Variants in DENND1A observed in about 807,000 individuals in gnomAD.
DENND1A encodes the protein DENN domain-containing protein 1A.
In DENND1A, 51 loss-of-function variants were observed where a neutral mutation model predicts 113.7. That is an observed-to-expected ratio of 0.45 (90% CI 0.36 to 0.57). The LOEUF (loss-of-function observed/expected upper bound fraction) is 0.57. Ranked by LOEUF, DENND1A falls within the 20% of genes least tolerant of loss-of-function variation. DENND1A has a pLI of 0.00. For synonymous variants in DENND1A, 565 were observed against 570.8 expected, an observed-to-expected ratio of 0.99 and a Z score of 0.14; for missense variants, 1,258 against 1,395.9, an observed-to-expected ratio of 0.90 and a Z score of 1.57.
At chr9:123,664,249 T>C (rs2063388631) in intron 8 of DENND1A, among the ~76,000 whole-genome samples, 1 of 152,234 alleles carries the variant, frequency 6.6e-6, no homozygotes, top group Non-Finnish European at 1.5e-5. Flanking sequence ...AGGATGGAGA[T>C]TGAAATAGAG....
intron 21 of DENND1A, among the ~76,000 whole-genome samples, chr9:123,396,622 T>C (rs918664701): frequency 1.3e-5 from 2 of 152,226 alleles, no homozygotes. Flanking sequence ...GGCAGCTTCT[T>C]CTGATCTTAT....
chr9:123,744,215 C>G (rs897127685), intron 5 of DENND1A, among the ~76,000 whole-genome samples: 2 of 152,134 alleles, frequency 1.3e-5, no homozygotes, highest in Non-Finnish European at 2.9e-5. Context: ...GATCCGATCC[C>G]CCACGTCATT....
At chr9:123,543,939 G>A (rs1329545557) in intron 13 of DENND1A, among the ~76,000 whole-genome samples, 1 of 152,166 alleles carries the variant, frequency 6.6e-6, no homozygotes, top group Non-Finnish European at 1.5e-5. Context: ...GGTCAGGTCT[G>A]CGGTGGGGAC....
intron 19 of DENND1A, among the ~76,000 whole-genome samples, chr9:123,421,608 G>A (rs2045311932): frequency 6.6e-6 from 1 of 152,198 alleles, no homozygotes; most frequent in African/African-American, 2.4e-5. Context: ...AATTTGCTCA[G>A]TACATTTAAG....
intron 12 of DENND1A, among the ~76,000 whole-genome samples, chr9:123,579,130 A>C (rs950864983): frequency 6.6e-6 from 1 of 152,214 alleles, no homozygotes; most frequent in Non-Finnish European, 1.5e-5. Flanking sequence ...GCGGATCATA[A>C]TTCACATCCA....
chr9:123,838,950 C>T (rs945312709), intron 2 of DENND1A, among the ~76,000 whole-genome samples: 3 of 152,168 alleles, frequency 2.0e-5, no homozygotes, highest in African/African-American at 7.2e-5. Context: ...ATTATCATCT[C>T]CACAAAAAGC....
intron 4 of DENND1A, among the ~76,000 whole-genome samples, chr9:123,766,542 G>A (rs1025813662): frequency 2.6e-5 from 4 of 152,118 alleles, no homozygotes; most frequent in South Asian, 2.1e-4. Flanking sequence ...ATCAAACCTC[G>A]TTTCCTTCCT....
intron 3 of DENND1A, among the ~76,000 whole-genome samples, chr9:123,771,069 T>G (rs939215660): frequency 6.6e-5 from 10 of 152,140 alleles, no homozygotes; most frequent in Admixed American, 2.0e-4. Context: ...AATTAATGAA[T>G]AGGAAACTAA....
chr9:123,421,605 T>C (rs2045311697), intron 19 of DENND1A, among the ~76,000 whole-genome samples: 1 of 152,114 alleles, frequency 6.6e-6, no homozygotes, highest in Non-Finnish European at 1.5e-5. Context: ...GAGAATTTGC[T>C]CAGTACATTT....
At chr9:123,888,568 T>C (rs1436192219) in intron 1 of DENND1A, among the ~76,000 whole-genome samples, 1 of 152,190 alleles carries the variant, frequency 6.6e-6, no homozygotes, top group African/African-American at 2.4e-5. Flanking sequence ...CCATCACTGC[T>C]GCGATATTCC....
At chr9:123,441,470 T>A (rs559693250) in intron 18 of DENND1A, among the ~76,000 whole-genome samples, 1 of 152,336 alleles carries the variant, frequency 6.6e-6, no homozygotes, top group Admixed American at 6.5e-5. Context: ...AGAAATCTTT[T>A]TAAATCCAGA....
At chr9:123,538,809 CATATATAT>C (rs35223887) in intron 13 of DENND1A, among the ~76,000 whole-genome samples, 354 of 22,338 alleles carry the variant, frequency 0.016, 2 homozygotes, top group South Asian at 0.039. Flanking sequence ...ACAACTCATA[CATATATAT>C]ATATATATAT....
intron 5 of DENND1A, among the ~76,000 whole-genome samples, chr9:123,713,834 CA>C (rs1417174624): frequency 6.6e-6 from 1 of 151,982 alleles, no homozygotes; most frequent in Non-Finnish European, 1.5e-5. Context: ...CACTGAAATT[CA>C]GAGGTGAAAT....
chr9:123,702,006 T>C (rs963205630), intron 5 of DENND1A, among the ~76,000 whole-genome samples: 3 of 152,182 alleles, frequency 2.0e-5, no homozygotes, highest in Non-Finnish European at 4.4e-5. Context: ...TACTGCCTGA[T>C]AGAGAATCCA....
chr9:123,867,612 G>A (rs1439719237), intron 2 of DENND1A, among the ~76,000 whole-genome samples: 1 of 152,094 alleles, frequency 6.6e-6, no homozygotes, highest in Non-Finnish European at 1.5e-5. Context: ...TGGCGGCCCA[G>A]CATCCGTTCT....
intron 1 of DENND1A, among the ~76,000 whole-genome samples, chr9:123,929,668 G>A (rs866570986): frequency 2.2e-4 from 33 of 151,902 alleles, no homozygotes; most frequent in African/African-American, 7.3e-4. Context: ...CAGGTGAGGA[G>A]GGGACACCTG....
intron 2 of DENND1A, among the ~76,000 whole-genome samples, chr9:123,848,924 A>C (rs1465513142): frequency 6.6e-6 from 1 of 152,198 alleles, no homozygotes; most frequent in Non-Finnish European, 1.5e-5. Flanking sequence ...AATTCTATGA[A>C]GGCTGAGAGA....
chr9:123,685,293 T>G (rs2064739660), intron 5 of DENND1A, among the ~76,000 whole-genome samples: 1 of 152,242 alleles, frequency 6.6e-6, no homozygotes, highest in Non-Finnish European at 1.5e-5. Context: ...TCACCCAGTC[T>G]GGGCATTCTG....
In DENND1A at chr9:123,882,348, T is replaced by G. The variant is rs548022107; in HGVS notation, c.18-3327A>C. On this transcript the variant is annotated intron_variant, in intron 1 of 23. Transcript: ENST00000394215. ...AAAAAAAAAAAAAAAAAATCCCATT[T>G]GGGCATCTAAGAAGCATTTCTAATT... Among the ~76,000 whole-genome samples, 74 of 149,626 alleles carry G rather than the reference T, an allele frequency of 4.9e-4. 1 individual carries two copies. Among genetic ancestry groups the G allele is most frequent in the African/African-American group, 1.6e-3 (67 of 41,176 alleles).
Sources: allele counts gnomAD v4.1 joint callset (sites outside exome capture counted in the v4.1 genomes callset), GRCh38; gene constraint gnomAD v4.1.1; transcripts MANE v1.5; gene names NCBI Gene and HGNC (gene_info 2026-07-23, HGNC 2026-07-21).